EPHA6: variants seen among roughly 807,000 people sequenced by gnomAD.
The protein encoded by EPHA6 is EPH receptor A6.
In EPHA6, 50 loss-of-function variants were observed where a neutral mutation model predicts 112.0. The ratio of observed to expected loss-of-function variants is 0.45; its 90% confidence interval spans 0.36 to 0.56. EPHA6 has a LOEUF of 0.56. Ranked by LOEUF, EPHA6 falls within the 20% of genes least tolerant of loss-of-function variation. The probability of loss-of-function intolerance (pLI) is 0.00; values close to 1 mark genes in which losing one functional copy is unlikely to be tolerated. For missense variants in EPHA6, 1,280 were observed against 1,417.4 expected, an observed-to-expected ratio of 0.90 and a Z score of 1.56; for synonymous variants, 529 against 490.7, an observed-to-expected ratio of 1.08 and a Z score of -1.03.
At chr3:97,700,981 G>A (rs2033349386) in intron 14 of EPHA6, among the ~76,000 whole-genome samples, 1 of 152,132 alleles carries the variant, frequency 6.6e-6, no homozygotes, top group Non-Finnish European at 1.5e-5. Flanking sequence ...AGTCCAGGAG[G>A]CAGGTAGGTT....
At chr3:97,168,600 T>A (rs1480094248) in intron 3 of EPHA6, among the ~76,000 whole-genome samples, 4 of 124,484 alleles carry the variant, frequency 3.2e-5, no homozygotes, top group African/African-American at 1.8e-4. Context: ...TCTCTGTGTG[T>A]CTCTCTCTGT....
At chr3:97,504,812 T>C (rs2092205186) in intron 10 of EPHA6, among the ~76,000 whole-genome samples, 1 of 152,220 alleles carries the variant, frequency 6.6e-6, no homozygotes, top group Non-Finnish European at 1.5e-5. Flanking sequence ...TATAGTATTT[T>C]TACGTATATA....
chr3:97,677,583 T>C (rs949028620), intron 14 of EPHA6, among the ~76,000 whole-genome samples: 1 of 152,056 alleles, frequency 6.6e-6, no homozygotes, highest in Non-Finnish European at 1.5e-5. Context: ...TAGCCAGGCA[T>C]GGTGGCAGGC....
At chr3:97,335,174 G>A (rs1000982919) in intron 5 of EPHA6, among the ~76,000 whole-genome samples, 23 of 152,092 alleles carry the variant, frequency 1.5e-4, no homozygotes, top group African/African-American at 5.3e-4. Flanking sequence ...CATGAGTGTG[G>A]GGTACTCATC....
chr3:97,424,960 A>C, intron 6 of EPHA6, among the ~76,000 whole-genome samples: 1 of 152,184 alleles, frequency 6.6e-6, no homozygotes, highest in East Asian at 1.9e-4. Flanking sequence ...TCAGTAATTA[A>C]ATTTTAAAGC....
intron 3 of EPHA6, among the ~76,000 whole-genome samples, chr3:97,054,023 T>C (rs1693778040): frequency 6.6e-6 from 1 of 152,068 alleles, no homozygotes; most frequent in African/African-American, 2.4e-5. Context: ...GTGTCCACTG[T>C]CTGCCTTTGG....
chr3:97,600,131 T>G lies in EPHA6; in HGVS notation c.2512+7394T>G, dbSNP rs543674339. Among the ~76,000 whole-genome samples the G allele has an allele frequency of 1.1e-4, 16 of 150,930 alleles. No homozygotes were observed. The South Asian group carries it at 2.1e-3, about 20-fold the overall frequency. ...ACATTGATTTTGTATCCTGAGACTT[T>G]GCTGAAGTTGCTTATCAGCTGAAGG... On this transcript the variant is annotated intron_variant, in intron 12 of 17. Coordinates refer to ENST00000389672, the MANE Select transcript of EPHA6 (RefSeq NM_001080448.3).
chr3:97,430,160 G>A (rs1161324752), intron 6 of EPHA6, among the ~76,000 whole-genome samples: 1 of 152,106 alleles, frequency 6.6e-6, no homozygotes, highest in Non-Finnish European at 1.5e-5. Context: ...AATTGGCACA[G>A]TAGGTATATT....
chr3:97,574,455 A>G (rs1222076728), intron 11 of EPHA6, among the ~76,000 whole-genome samples: 1 of 152,136 alleles, frequency 6.6e-6, no homozygotes, highest in Non-Finnish European at 1.5e-5. Flanking sequence ...GGAAACACAT[A>G]TAAGAAAAAG....
intron 3 of EPHA6, among the ~76,000 whole-genome samples, chr3:97,209,206 A>T (rs2077797798): frequency 6.6e-6 from 1 of 152,170 alleles, no homozygotes; most frequent in Non-Finnish European, 1.5e-5. Context: ...GATAAATAAC[A>T]GGTATTAAGA....
intron 1 of EPHA6, among the ~76,000 whole-genome samples, chr3:96,830,409 T>C (rs1457279047): frequency 6.6e-6 from 1 of 152,160 alleles, no homozygotes; most frequent in Non-Finnish European, 1.5e-5. Flanking sequence ...ATATTAATTC[T>C]ACCACTTTTT....
chr3:97,558,902 T>C (rs2093150863), intron 11 of EPHA6, among the ~76,000 whole-genome samples: 1 of 152,080 alleles, frequency 6.6e-6, no homozygotes, highest in Non-Finnish European at 1.5e-5. Context: ...TTATACACTT[T>C]AAAACATTTG....
At chr3:96,892,877 G>A (rs905042220) in intron 2 of EPHA6, among the ~76,000 whole-genome samples, 1 of 151,562 alleles carries the variant, frequency 6.6e-6, no homozygotes, top group African/African-American at 2.4e-5. Flanking sequence ...ATATGTCTAT[G>A]TATATTCCAG....
intron 3 of EPHA6, among the ~76,000 whole-genome samples, chr3:97,170,601 A>G (rs985805418): frequency 1.3e-5 from 2 of 152,100 alleles, no homozygotes; most frequent in East Asian, 3.9e-4. Flanking sequence ...CCCAGGTGTC[A>G]TGGTGCATGT....
intron 5 of EPHA6, among the ~76,000 whole-genome samples, chr3:97,307,716 G>A (rs1266517166): frequency 6.8e-6 from 1 of 147,328 alleles, no homozygotes; most frequent in African/African-American, 2.5e-5. Context: ...TGTTTCATTT[G>A]AAAATATAGT....
chr3:97,752,776 G>C lies in EPHA6; in HGVS notation c.*4075G>C, dbSNP rs1240236228. ...CTTTTTAATTGCTTTAACTAAGGAAGTTTATTATTAATATTTTAAAAATTA... is the reference window on the plus strand; with the variant it reads ...CTTTTTAATTGCTTTAACTAAGGAACTTTATTATTAATATTTTAAAAATTA... On this transcript the variant is annotated 3_prime_UTR_variant, in exon 18 of 18. Transcript: ENST00000389672. Among the ~76,000 whole-genome samples the C allele has an allele frequency of 6.6e-6, 1 of 151,980 alleles. No individual in the cohort carries two copies. The highest frequency in any genetic ancestry group is 6.6e-5 in the Admixed American group (1 of 15,256).
At chr3:97,052,855 C>T (rs1233366594) in intron 3 of EPHA6, among the ~76,000 whole-genome samples, 1 of 152,058 alleles carries the variant, frequency 6.6e-6, no homozygotes, top group Non-Finnish European at 1.5e-5. Flanking sequence ...ATCTTGGATA[C>T]AATGCCATCT....
chr3:96,828,694 A>C (rs1164214519), intron 1 of EPHA6, among the ~76,000 whole-genome samples: 1 of 152,082 alleles, frequency 6.6e-6, no homozygotes, highest in Non-Finnish European at 1.5e-5. Flanking sequence ...GTCTTTCTCC[A>C]TCTCCATTTT....
At chr3:96,954,324 T>G (rs963580360) in intron 2 of EPHA6, among the ~76,000 whole-genome samples, 1 of 152,158 alleles carries the variant, frequency 6.6e-6, no homozygotes, top group South Asian at 2.1e-4. Context: ...AGCCAAAATA[T>G]TCTCAAAAGC....
Sources: allele counts gnomAD v4.1 joint callset (sites outside exome capture counted in the v4.1 genomes callset), GRCh38; gene constraint gnomAD v4.1.1; transcripts MANE v1.5; gene names NCBI Gene and HGNC (gene_info 2026-07-23, HGNC 2026-07-21).